Variants in CCDC146 observed in about 807,000 individuals in gnomAD.
CCDC146 encodes coiled-coil domain-containing protein 146.
Under a neutral mutation model 119.3 loss-of-function variants are expected in CCDC146, and 92 were observed. The ratio of observed to expected loss-of-function variants is 0.77; its 90% CI spans 0.65 to 0.92. CCDC146 has a LOEUF of 0.92. CCDC146 is among the 40% of genes least tolerant of loss of function. The pLI is 0.00. For missense variants in CCDC146, 1,000 were observed against 1,103.0 expected (o/e 0.91, Z 1.32); for synonymous variants, 372 against 371.8 (o/e 1.00, Z -0.01).
intron 2 of CCDC146, among the ~76,000 whole-genome samples, chr7:77,187,208 G>A (rs1006270442): frequency 3.9e-5 from 6 of 152,032 alleles, no homozygotes; most frequent in Admixed American, 3.3e-4. Context: ...AACCCACTGG[G>A]AAGCAGTAGA....
intron 17 of CCDC146, among the ~76,000 whole-genome samples, chr7:77,291,025 G>T (rs563161978): frequency 6.6e-6 from 1 of 152,276 alleles, no homozygotes; most frequent in African/African-American, 2.4e-5. Context: ...CTTTAATTTG[G>T]GGGGGTGCCT....
intron 4 of CCDC146, among the ~76,000 whole-genome samples, chr7:77,243,980 G>C (rs1481088347): frequency 6.6e-6 from 1 of 152,160 alleles, no homozygotes; most frequent in Non-Finnish European, 1.5e-5. Context: ...CTGGGTTCAA[G>C]CAATTCTCTG....
intron 4 of CCDC146, among the ~76,000 whole-genome samples, chr7:77,244,283 C>A (rs1483173277): frequency 7.2e-5 from 11 of 152,098 alleles, no homozygotes; most frequent in Admixed American, 5.9e-4. Flanking sequence ...AAAAAAGTTA[C>A]AGTAAATTTA....
At chr7:77,122,919 C>T (rs1468804799) in intron 1 of CCDC146, among the ~76,000 whole-genome samples, 187 bp downstream of exon 1, 1 of 151,616 alleles carries the variant, frequency 6.6e-6, no homozygotes, top group Non-Finnish European at 1.5e-5. Context: ...TGTATTCCCT[C>T]CTATATTCCA....
intron 1 of CCDC146, among the ~76,000 whole-genome samples, chr7:77,123,406 GTGTGT>G (rs1562808256): frequency 0.012 from 358 of 30,328 alleles, no homozygotes; most frequent in East Asian, 0.019. Flanking sequence ...CCTATAAGGT[GTGTGT>G]GTGTGTGTGT....
At chr7:77,219,833 T>C (rs1792368586) in intron 2 of CCDC146, among the ~76,000 whole-genome samples, 1 of 151,980 alleles carries the variant, frequency 6.6e-6, no homozygotes, top group Non-Finnish European at 1.5e-5. Context: ...AGGGAGTGTA[T>C]GAATAGGGTG....
chr7:77,177,544 T>C (rs193083955), intron 2 of CCDC146, among the ~76,000 whole-genome samples: 1 of 152,362 alleles, frequency 6.6e-6, no homozygotes, highest in African/African-American at 2.4e-5. Flanking sequence ...CACTTGACAT[T>C]GTTCACTTGA....
chr7:77,287,611 C>T, intron 17 of CCDC146, 34 bp downstream of exon 17: 1 of 1,600,494 alleles, frequency 6.2e-7, no homozygotes, highest in East Asian at 2.2e-5. Context: ...CCCTTCTGCC[C>T]CTGCTCCTTT....
At chr7:77,199,242 G>A (rs776444180) in intron 2 of CCDC146, 1 of 1,613,822 alleles carries the variant, frequency 6.2e-7, no homozygotes, top group East Asian at 2.2e-5. Context: ...CCAAACTATT[G>A]ACAACAAATG....
At chr7:77,152,817 C>T (rs1057316513) in intron 1 of CCDC146, among the ~76,000 whole-genome samples, 2 of 152,078 alleles carry the variant, frequency 1.3e-5, no homozygotes, top group South Asian at 2.1e-4. Context: ...GTGAAAATAA[C>T]GTAAGGTACA....
At chr7:77,178,329 G>A (rs1273277084) in intron 2 of CCDC146, among the ~76,000 whole-genome samples, 2 of 152,156 alleles carry the variant, frequency 1.3e-5, no homozygotes, top group Non-Finnish European at 2.9e-5. Flanking sequence ...CAGAGAAGAA[G>A]AAAGATAAAG....
intron 2 of CCDC146, among the ~76,000 whole-genome samples, chr7:77,187,238 G>C (rs995049466): frequency 3.9e-5 from 6 of 152,154 alleles, no homozygotes; most frequent in African/African-American, 1.4e-4. Context: ...TTTGCAAGGA[G>C]GGAATAAGGA....
chr7:77,273,948 A>G (rs986654628), intron 10 of CCDC146, among the ~76,000 whole-genome samples, 159 bp downstream of exon 10: 1 of 152,212 alleles, frequency 6.6e-6, no homozygotes, highest in South Asian at 2.1e-4. Flanking sequence ...GTCCACTCCA[A>G]TCCTACACTA....
At chr7:77,174,122 A>G (rs1021419210) in intron 2 of CCDC146, among the ~76,000 whole-genome samples, 6 of 152,062 alleles carry the variant, frequency 3.9e-5, no homozygotes, top group African/African-American at 1.2e-4. Context: ...GGCTTATCAT[A>G]TATTAGTTTG....
rs1584156400 is a variant in CCDC146, at chr7:77,294,930, G to T, written c.*64G>T. ...CAACCAGGCTTCCTTGTACCCACAG[G>T]TGAAAAATGTGAGCATAATACTTCT... On this transcript the variant is annotated 3_prime_UTR_variant, in exon 19 of 19. Transcript: ENST00000285871. 7 of 1,289,316 alleles carry T rather than the reference G, an allele frequency of 5.4e-6. No individual in the cohort carries two copies. In the East Asian group the frequency reaches 1.4e-4, roughly 26 times the overall value. The allele number at this position is 1,289,316 out of a possible 1,614,324, so 79.9% of individuals were successfully genotyped here. A position where few individuals can be genotyped will look rare whatever the true frequency, so the allele number is the denominator to read the frequency against.
chr7:77,274,461 ATC>A lies in CCDC146; in HGVS notation c.1270-19_1270-18del, dbSNP rs745945598. The A allele has an allele frequency of 1.5e-5, 21 of 1,408,242 alleles. No individual in the cohort carries two copies. The highest frequency in any genetic ancestry group is 2.0e-5 in the Non-Finnish European group (21 of 1,038,418). The allele number at this position is 1,408,242 out of a possible 1,614,324, so 87.2% of individuals were successfully genotyped here. A position where few individuals can be genotyped will look rare whatever the true frequency, so the allele number is the denominator to read the frequency against. On this transcript the variant is annotated intron_variant, in intron 10 of 18. Coordinates refer to ENST00000285871, the MANE Select transcript of CCDC146 (RefSeq NM_020879.3). The stretch of plus-strand genomic sequence containing the variant: ...CTTCAAACAAATAACTTATAATATT[ATC>A]TGTGTTTTTTTTCAAAAGAAAATTA...
intron 2 of CCDC146, among the ~76,000 whole-genome samples, chr7:77,179,317 G>A (rs1791545490): frequency 6.6e-6 from 1 of 152,044 alleles, no homozygotes; most frequent in South Asian, 2.1e-4. Context: ...TCCAGAAGGT[G>A]CAGAATAGTA....
At chr7:77,219,549 A>G (rs919047706) in intron 2 of CCDC146, among the ~76,000 whole-genome samples, 2 of 152,220 alleles carry the variant, frequency 1.3e-5, no homozygotes, top group Non-Finnish European at 2.9e-5. Context: ...ACAGAGATTT[A>G]TAAGGTTGCT....
Position 77,262,285 on chromosome 7 carries a change from T to C in CCDC146, c.1151T>C (p.Leu384Pro), listed in dbSNP as rs778746515. Residue 384 changes from leucine to proline, a missense_variant, in exon 9 of 19, where the codon CTG becomes CCG. Leu to Pro is a moderately conservative substitution (Grantham distance 98, BLOSUM62 -3). Coordinates refer to ENST00000285871, the MANE Select transcript of CCDC146 (RefSeq NM_020879.3). ...GATGCACTTAGGCAAACTCAAGCAC[T>C]GCATCAAAGGCTTCTATTAGAGGTG... ...SWDALRQTQA[L>P]HQRLLLEMEA... 6.2e-7 allele frequency: 1 copy of C among 1,607,994 alleles called. No individual in the cohort carries two copies.
Sources: gnomAD v4.1 joint callset for allele counts (sites outside exome capture counted in the v4.1 genomes callset) on GRCh38, gnomAD v4.1.1 for gene constraint, MANE v1.5 for transcripts, NCBI Gene and HGNC (gene_info 2026-07-23, HGNC 2026-07-21) for gene names.